The following ADCK1 variants were observed in gnomAD, a reference collection of about 807,000 sequenced individuals.
ADCK1 encodes aarF domain-containing protein kinase 1.
In ADCK1, 41 loss-of-function variants were observed where a neutral mutation model predicts 52.3. The observed-to-expected ratio is 0.78, with a 90% CI of 0.61 to 1.02. The LOEUF is 1.02. ADCK1 is among the 50% of genes least tolerant of loss of function. The probability of loss-of-function intolerance (pLI) is 0.00; values close to 1 mark genes in which losing one functional copy is unlikely to be tolerated. For missense variants in ADCK1, 658 were observed against 679.5 expected (o/e 0.97, Z 0.35); for synonymous variants, 250 against 274.6 (o/e 0.91, Z 0.89).
chr14:77,802,823 G>A (rs1271488224), intron 1 of ADCK1, among the ~76,000 whole-genome samples: 1 of 152,028 alleles, frequency 6.6e-6, no homozygotes, highest in Non-Finnish European at 1.5e-5. Flanking sequence ...GCGTGGTGCC[G>A]GGTGCCTGTA....
chr14:77,852,881 GTGTATATATATATA>G (rs375685804), intron 3 of ADCK1, among the ~76,000 whole-genome samples: 2,571 of 29,344 alleles, frequency 0.088, 202 homozygotes, highest in Non-Finnish European at 0.13. Context: ...TCTTTTATGT[GTGTATATATATATA>G]TATATATATA....
At chr14:77,912,474 G>A (rs1003752682) in intron 7 of ADCK1, among the ~76,000 whole-genome samples, 1 of 141,984 alleles carries the variant, frequency 7.0e-6, no homozygotes, top group Non-Finnish European at 1.5e-5. Context: ...GTGTGTGTGT[G>A]TGTAATGAAA....
At chr14:77,868,836 C>T (rs1018480531) in intron 4 of ADCK1, among the ~76,000 whole-genome samples, 5 of 152,154 alleles carry the variant, frequency 3.3e-5, no homozygotes, top group African/African-American at 4.8e-5. Context: ...GCCACTGCAG[C>T]GGGGGATATA....
intron 9 of ADCK1, among the ~76,000 whole-genome samples, chr14:77,926,726 C>T (rs10149403): frequency 0.094 from 14,345 of 152,166 alleles, 767 homozygotes; most frequent in Middle Eastern, 0.15. Flanking sequence ...TTATTTGTAG[C>T]TCATTTCTCT....
At chr14:77,852,909 T>A (rs947341028) in intron 3 of ADCK1, among the ~76,000 whole-genome samples, 328 of 19,546 alleles carry the variant, frequency 0.017, 4 homozygotes, top group Non-Finnish European at 0.021. Flanking sequence ...ATATATATAT[T>A]TTTTTTTTTT....
intron 7 of ADCK1, among the ~76,000 whole-genome samples, chr14:77,919,590 G>T (rs2084002414): frequency 6.6e-6 from 1 of 152,088 alleles, no homozygotes; most frequent in Non-Finnish European, 1.5e-5. Context: ...TTTTCCTCTG[G>T]ATAGACACCC....
chr14:77,870,240 T>C (rs1188906932), intron 4 of ADCK1, among the ~76,000 whole-genome samples: 1 of 152,240 alleles, frequency 6.6e-6, no homozygotes, highest in East Asian at 1.9e-4. Flanking sequence ...GCTATGTTCA[T>C]GTAGCCAGTA....
In ADCK1 at chr14:77,907,631, C is replaced by T. The variant is rs374723868; in HGVS notation, c.742-172C>T. Among the ~76,000 whole-genome samples, 11 of 152,340 alleles carry T rather than the reference C, an allele frequency of 7.2e-5. No homozygotes were observed. In the East Asian group the frequency reaches 2.1e-3, roughly 29 times the overall value. The stretch of plus-strand genomic sequence containing the variant: ...GAGCAGAGGTGGAGTAGCCAGCCTC[C>T]CTCTTGGCCTGGCTGTCCCATCCCC... On this transcript the variant is annotated intron_variant, in intron 6 of 10. Transcript: ENST00000238561.
intron 4 of ADCK1, among the ~76,000 whole-genome samples, chr14:77,859,811 A>G (rs1280177434): frequency 1.3e-5 from 2 of 152,214 alleles, no homozygotes; most frequent in Non-Finnish European, 2.9e-5. Context: ...TTAGTATAGT[A>G]CCTGATGTAG....
At chr14:77,878,927 C>T (rs2082957892) in intron 4 of ADCK1, among the ~76,000 whole-genome samples, 1 of 151,810 alleles carries the variant, frequency 6.6e-6, no homozygotes, top group Admixed American at 6.6e-5. Flanking sequence ...TGTCCCTTCC[C>T]CCCCCACGAA....
chr14:77,900,698 A>G (rs954060820), intron 6 of ADCK1: 4 of 426,978 alleles, frequency 9.4e-6, no homozygotes, highest in African/African-American at 6.0e-5. Context: ...GTGTATTCCA[A>G]TGTGGCACGG....
At chr14:77,827,993 T>G (rs1230596019) in intron 3 of ADCK1, 2 of 284,576 alleles carry the variant, frequency 7.0e-6, no homozygotes, top group Non-Finnish European at 1.4e-5. Context: ...CATGCCCGGA[T>G]AATTTTTTGT....
chr14:77,924,418 A>G (rs370453204), intron 7 of ADCK1, 39 bp from the exon 8 acceptor site: 4 of 1,609,484 alleles, frequency 2.5e-6, no homozygotes, highest in Non-Finnish European at 3.4e-6. Flanking sequence ...GATAGATGTG[A>G]GTGGAGAGGA....
intron 6 of ADCK1, among the ~76,000 whole-genome samples, chr14:77,907,588 A>T (rs1272478249): frequency 6.6e-6 from 1 of 152,176 alleles, no homozygotes; most frequent in African/African-American, 2.4e-5. Context: ...TATCTAAAGG[A>T]GTGGGCGGAG....
intron 10 of ADCK1, among the ~76,000 whole-genome samples, chr14:77,932,173 C>T (rs12100963): frequency 0.023 from 3,470 of 152,156 alleles, 55 homozygotes; most frequent in African/African-American, 0.038. Context: ...CTCAGTCTCC[C>T]GAGTAGCTAG....
At chr14:77,869,182 C>T (rs2082723941) in intron 4 of ADCK1, among the ~76,000 whole-genome samples, 1 of 152,120 alleles carries the variant, frequency 6.6e-6, no homozygotes, top group Non-Finnish European at 1.5e-5. Flanking sequence ...CTCGGGCTAG[C>T]CGCAAACCTC....
chr14:77,864,628 G>A (rs2082623255), intron 4 of ADCK1, among the ~76,000 whole-genome samples: 1 of 126,804 alleles, frequency 7.9e-6, no homozygotes, highest in South Asian at 2.9e-4. Flanking sequence ...GAACCAATAG[G>A]ATATGAATGT....
intron 2 of ADCK1, among the ~76,000 whole-genome samples, chr14:77,820,320 T>C (rs998560758): frequency 1.3e-5 from 2 of 151,674 alleles, no homozygotes; most frequent in African/African-American, 2.4e-5. Context: ...TATATATATA[T>C]GTATATTTTT....
chr14:77,933,323 G>A lies in ADCK1; in HGVS notation c.1504G>A (p.Val502Met), dbSNP rs764578282. The A allele has an allele frequency of 3.7e-6, 6 of 1,614,092 alleles. No individual in the cohort carries two copies. The South Asian group carries it at 5.5e-5, about 15-fold the overall frequency. ...QINLHELILR[V>M]KGLKLADRVL... is the part of the protein sequence containing the mutation. The stretch of plus-strand genomic sequence containing the variant: ...CAACCTCCATGAGCTCATCCTGCGT[G>A]TGAAGGGGTTGAAGCTGGCTGACCG... The change falls in exon 11 of 11, where the codon GTG becomes ATG. Residue 502 changes from valine (V) to methionine (M), a missense_variant. By Grantham distance (21) the Val-to-Met change is conservative (BLOSUM62 1). Coordinates refer to ENST00000238561, the MANE Select transcript of ADCK1 (RefSeq NM_020421.4).
Sources: gnomAD v4.1 joint callset for allele counts (sites outside exome capture counted in the v4.1 genomes callset) on GRCh38, gnomAD v4.1.1 for gene constraint, MANE v1.5 for transcripts, NCBI Gene and HGNC (gene_info 2026-07-23, HGNC 2026-07-21) for gene names.